NTM: variants seen among roughly 807,000 people sequenced by gnomAD.
NTM encodes neurotrimin, also known as IgLON family member 2.
Under a neutral mutation model 42.1 loss-of-function variants are expected in NTM, and 13 were observed. The observed-to-expected ratio is 0.31, with a 90% CI of 0.20 to 0.49. The LOEUF (loss-of-function observed/expected upper bound fraction) is 0.49. Among genes scored for constraint, NTM ranks in the 20% least tolerant of loss-of-function variants. The probability of loss-of-function intolerance (pLI) is 0.99; values close to 1 mark genes in which losing one functional copy is unlikely to be tolerated. For synonymous variants in NTM, 187 were observed against 179.2 expected (o/e 1.04, Z -0.35); for missense variants, 373 against 452.8 (o/e 0.82, Z 1.60).
At chr11:132,290,813 G>C (rs2094432156) in intron 4 of NTM, among the ~76,000 whole-genome samples, 1 of 152,212 alleles carries the variant, frequency 6.6e-6, no homozygotes, top group African/African-American at 2.4e-5. Context: ...GGGATGTGCA[G>C]AGGTTACAGA....
At chr11:131,866,513 G>A (rs531337737) in intron 1 of NTM, among the ~76,000 whole-genome samples, 1 of 152,352 alleles carries the variant, frequency 6.6e-6, no homozygotes, top group African/African-American at 2.4e-5. Flanking sequence ...AATCCCAAAG[G>A]AATGAGTATG....
intron 4 of NTM, among the ~76,000 whole-genome samples, chr11:132,253,839 C>T (rs1227864842): frequency 6.6e-6 from 1 of 152,180 alleles, no homozygotes; most frequent in Non-Finnish European, 1.5e-5. Flanking sequence ...GCCCTCAGCT[C>T]GGCCCCTCTA....
intron 1 of NTM, among the ~76,000 whole-genome samples, chr11:131,682,197 G>A (rs1375623019): frequency 6.6e-6 from 1 of 152,180 alleles, no homozygotes; most frequent in African/African-American, 2.4e-5. Flanking sequence ...TGATCTGAAC[G>A]CCTTCCTCTG....
chr11:131,700,652 A>C (rs1054871479), intron 1 of NTM, among the ~76,000 whole-genome samples: 3 of 152,232 alleles, frequency 2.0e-5, no homozygotes, highest in African/African-American at 7.2e-5. Flanking sequence ...ATTGTATAGC[A>C]TCCTGTTGGA....
At chr11:131,982,569 C>G (rs111652414) in intron 2 of NTM, among the ~76,000 whole-genome samples, 367 of 152,190 alleles carry the variant, frequency 2.4e-3, no homozygotes, top group Non-Finnish European at 4.4e-3. Context: ...GTTTCTGGGT[C>G]TGTCCCGTGT....
intron 1 of NTM, among the ~76,000 whole-genome samples, chr11:131,455,184 A>G (rs1204797055): frequency 6.6e-6 from 1 of 152,216 alleles, no homozygotes; most frequent in Non-Finnish European, 1.5e-5. Flanking sequence ...GTGACTCAGT[A>G]ATCGACCTGA....
At chr11:131,568,363 G>A (rs545155880) in intron 1 of NTM, among the ~76,000 whole-genome samples, 2 of 152,276 alleles carry the variant, frequency 1.3e-5, no homozygotes, top group African/African-American at 4.8e-5. Flanking sequence ...ACCTTCACTT[G>A]ATATGGTATT....
At chr11:131,509,051 TAATAAA>T (rs2047899340) in intron 1 of NTM, among the ~76,000 whole-genome samples, 3 of 152,024 alleles carry the variant, frequency 2.0e-5, no homozygotes, top group Non-Finnish European at 4.4e-5. Context: ...AAAATAATAA[TAATAAA>T]AAAGAAATTT....
intron 1 of NTM, among the ~76,000 whole-genome samples, chr11:131,764,976 A>G (rs1438128644): frequency 2.0e-5 from 3 of 152,180 alleles, no homozygotes; most frequent in Non-Finnish European, 4.4e-5. Context: ...CATCCAGGTG[A>G]GGCTTGAGAA....
chr11:131,774,306 G>T (rs564915896), intron 1 of NTM, among the ~76,000 whole-genome samples: 119 of 152,206 alleles, frequency 7.8e-4, no homozygotes, highest in African/African-American at 2.8e-3. Flanking sequence ...TTTCTTCTTT[G>T]CTCCTCATGT....
At chr11:132,053,320 C>T (rs781396583) in intron 2 of NTM, among the ~76,000 whole-genome samples, 12 of 152,272 alleles carry the variant, frequency 7.9e-5, no homozygotes, top group East Asian at 1.9e-4. Context: ...GTCATTCTTT[C>T]GGTGACAGAA....
chr11:131,746,075 G>A (rs569471418), intron 1 of NTM, among the ~76,000 whole-genome samples: 24 of 152,156 alleles, frequency 1.6e-4, no homozygotes, highest in Non-Finnish European at 3.4e-4. Context: ...GCCATCGTCC[G>A]TCTGTCCAGG....
Position 132,081,548 on chromosome 11 carries a change from C to T in NTM, c.168-64734C>T, listed in dbSNP as rs189138144. ...GAGATCGAGACCATCCTGGCTAACA[C>T]GGTGAAACCCCGTCTCTACTAAAAA... On this transcript the variant is annotated intron_variant, in intron 2 of 8. Transcript: ENST00000683400. Among the ~76,000 whole-genome samples the T allele has an allele frequency of 5.6e-4, 85 of 152,004 alleles. No homozygotes were observed. The East Asian group carries it at 0.011, about 20-fold the overall frequency.
At chr11:132,324,632 A>C (rs2136330415) in intron 7 of NTM, among the ~76,000 whole-genome samples, 1 of 132,594 alleles carries the variant, frequency 7.5e-6, no homozygotes, top group East Asian at 2.1e-4. Context: ...CATCCCCATC[A>C]AGCTACCAAT....
chr11:131,610,119 CA>C (rs2061350293), intron 1 of NTM, among the ~76,000 whole-genome samples: 1 of 152,154 alleles, frequency 6.6e-6, no homozygotes. Flanking sequence ...CCAATGGCAC[CA>C]AAACAATCGT....
chr11:131,766,692 T>G (rs754728146), intron 1 of NTM, among the ~76,000 whole-genome samples: 2 of 152,202 alleles, frequency 1.3e-5, no homozygotes, highest in Non-Finnish European at 2.9e-5. Flanking sequence ...TGAAGCATTT[T>G]CCTTCCTTGG....
chr11:132,268,607 TCTC>T (rs935834673), intron 4 of NTM, among the ~76,000 whole-genome samples: 37 of 151,304 alleles, frequency 2.4e-4, no homozygotes, highest in African/African-American at 9.0e-4. Context: ...TGGAGTGTGG[TCTC>T]CTCTGTGTGT....
intron 3 of NTM, among the ~76,000 whole-genome samples, chr11:132,177,369 A>T (rs566602385): frequency 6.6e-6 from 1 of 152,122 alleles, no homozygotes; most frequent in South Asian, 2.1e-4. Flanking sequence ...CAGCAGTGGC[A>T]CTCCAATCCA....
chr11:132,315,805 G>C (rs891081653), intron 7 of NTM, among the ~76,000 whole-genome samples: 21 of 152,160 alleles, frequency 1.4e-4, no homozygotes, highest in African/African-American at 4.8e-4. Flanking sequence ...ATCTGAGAGA[G>C]CTGGGAAGGA....
Sources: allele counts gnomAD v4.1 joint callset (sites outside exome capture counted in the v4.1 genomes callset), GRCh38; gene constraint gnomAD v4.1.1; transcripts MANE v1.5; gene names NCBI Gene and HGNC (gene_info 2026-07-23, HGNC 2026-07-21).